Variants in B4GALT6 observed in about 807,000 individuals in gnomAD.
The protein encoded by B4GALT6 is beta-1,4-galactosyltransferase 6, also known as UDP-Gal:beta-GlcNAc beta-1,4-galactosyltransferase 6.
Under a neutral mutation model 46.3 loss-of-function variants are expected in B4GALT6, and 14 were observed. That is an observed-to-expected ratio of 0.30 (90% CI 0.20 to 0.47). The LOEUF is 0.47. Ranked by LOEUF, B4GALT6 falls within the 20% of genes least tolerant of loss-of-function variation. B4GALT6 has a pLI of 0.99. For missense variants in B4GALT6, 386 were observed against 480.1 expected, an observed-to-expected ratio of 0.80 and a Z score of 1.83; for synonymous variants, 168 against 162.0, an observed-to-expected ratio of 1.04 and a Z score of -0.28.
chr18:31,697,864 A>T, the B4GALT6 span, among the ~76,000 whole-genome samples: 1 of 152,160 alleles, frequency 6.6e-6, no homozygotes, highest in Non-Finnish European at 1.5e-5. Flanking sequence ...TTGTCTAATT[A>T]TCATTCGTTT....
Position 31,632,556 on chromosome 18 carries a change from T to C in B4GALT6, c.589-1410A>G, listed in dbSNP as rs183929428. ...AGGAAATGAGAGTTCTGATATTTCT[T>C]GCTTCTTTCACTTTAAGACACTGTC... On this transcript the variant is annotated intron_variant, in intron 5 of 8. Transcript: ENST00000306851. Among the ~76,000 whole-genome samples the C allele has an allele frequency of 3.7e-3, 568 of 152,318 alleles. 1 individual carries two copies. The highest frequency in any genetic ancestry group is 6.3e-3 in the Non-Finnish European group (430 of 68,016).
chr18:31,704,130 A>G, the B4GALT6 span, among the ~76,000 whole-genome samples: 2 of 152,026 alleles, frequency 1.3e-5, no homozygotes, highest in Non-Finnish European at 2.9e-5. Context: ...TAATTTTATA[A>G]TTAGTTACTA....
At chr18:31,647,842 C>T (rs560739303) in intron 3 of B4GALT6, among the ~76,000 whole-genome samples, 9 of 152,174 alleles carry the variant, frequency 5.9e-5, no homozygotes, top group South Asian at 4.2e-4. Flanking sequence ...GTTTCCAAAC[C>T]GTCCTTGGGA....
the B4GALT6 span, among the ~76,000 whole-genome samples, chr18:31,702,526 A>G: frequency 6.6e-6 from 1 of 152,190 alleles, no homozygotes; most frequent in Non-Finnish European, 1.5e-5. Context: ...TCCCATTTGT[A>G]TCTTTGGGAT....
intron 2 of B4GALT6, among the ~76,000 whole-genome samples, chr18:31,661,346 A>G (rs2074213529): frequency 6.6e-6 from 1 of 152,214 alleles, no homozygotes; most frequent in Non-Finnish European, 1.5e-5. Context: ...TAAATACAGA[A>G]TAAATTGTTA....
upstream of B4GALT6, among the ~76,000 whole-genome samples, chr18:31,688,121 T>C (rs1272659734): frequency 1.3e-5 from 2 of 151,924 alleles, no homozygotes; most frequent in Non-Finnish European, 2.9e-5. Context: ...GAGACTCAGC[T>C]AAAGAAAATT....
At chr18:31,704,768 C>T in the B4GALT6 span, among the ~76,000 whole-genome samples, 1 of 152,088 alleles carries the variant, frequency 6.6e-6, no homozygotes, top group African/African-American at 2.4e-5. Flanking sequence ...AGTTAAACCA[C>T]CTATAATAGG....
At chr18:31,704,548 C>T in the B4GALT6 span, among the ~76,000 whole-genome samples, 1,032 of 152,232 alleles carry the variant, frequency 6.8e-3, 9 homozygotes, top group African/African-American at 0.024. Context: ...TTTACTACAA[C>T]TTTTGTCATA....
the B4GALT6 span, among the ~76,000 whole-genome samples, chr18:31,700,157 GTATAT>G: frequency 6.6e-6 from 1 of 151,990 alleles, no homozygotes; most frequent in Non-Finnish European, 1.5e-5. Flanking sequence ...TTTACTGTAT[GTATAT>G]TATAACTCAA....
chr18:31,666,457 G>C, intron 1 of B4GALT6, 85 bp from the exon 2 acceptor site: 2 of 532,044 alleles, frequency 3.8e-6, no homozygotes, highest in Non-Finnish European at 6.2e-6. Flanking sequence ...TTGGGGAAGT[G>C]CCCAATAAAC....
At chr18:31,659,344 A>G (rs2074183327) in intron 2 of B4GALT6, among the ~76,000 whole-genome samples, 2 of 152,186 alleles carry the variant, frequency 1.3e-5, no homozygotes, top group South Asian at 4.1e-4. Context: ...TTTACCTAAC[A>G]TCAATATTCA....
intron 3 of B4GALT6, among the ~76,000 whole-genome samples, chr18:31,649,838 A>C (rs1285463417): frequency 2.0e-5 from 3 of 152,244 alleles, no homozygotes; most frequent in African/African-American, 7.2e-5. Context: ...CCACTGTGGA[A>C]AGCAGTTTGG....
chr18:31,680,138 G>A (rs913984447), intron 1 of B4GALT6, among the ~76,000 whole-genome samples: 2 of 152,092 alleles, frequency 1.3e-5, no homozygotes, highest in Non-Finnish European at 2.9e-5. Context: ...TACCAAATCC[G>A]AACTCCTGAA....
At position 31,623,236 on chromosome 18, in the gene B4GALT6, C is replaced by T. The variant is rs1329422460; in HGVS notation, c.*2378G>A. The T allele has an allele frequency of 1.3e-5, 2 of 152,066 alleles. No individual in the cohort carries two copies. Among genetic ancestry groups the T allele is most frequent in the Non-Finnish European group, 2.9e-5 (2 of 67,908 alleles). 9.4% of individuals were successfully genotyped at this position (152,066 alleles called of 1,614,324 possible). ...TTAATACAATGAAGATAAACGGGCA[C>T]AGCTCTGTCACTCTCACAGAAACAT... On this transcript the variant is annotated 3_prime_UTR_variant, in exon 9 of 9. Coordinates refer to ENST00000306851, the MANE Select transcript of B4GALT6 (RefSeq NM_004775.5).
Position 31,624,830 on chromosome 18 carries a change from T to C in B4GALT6, c.*784A>G, listed in dbSNP as rs1208242773. On this transcript the variant is annotated 3_prime_UTR_variant, in exon 9 of 9. Transcript: ENST00000306851. ...ATTTAACATAAAGAGATCCTTTATA[T>C]CATGTCACATCACAACTTTTAAGAT... 1 of 152,612 alleles carries C rather than the reference T, an allele frequency of 6.6e-6. No individual in the cohort carries two copies. The highest frequency in any genetic ancestry group is 1.5e-5 in the Non-Finnish European group (1 of 68,030). 9.5% of individuals were successfully genotyped at this position (152,612 alleles called of 1,614,324 possible). A position where few individuals can be genotyped will look rare whatever the true frequency, so the allele number is the denominator to read the frequency against.
intron 2 of B4GALT6, among the ~76,000 whole-genome samples, chr18:31,663,466 C>T (rs1182436266): frequency 6.6e-6 from 1 of 152,078 alleles, no homozygotes; most frequent in African/African-American, 2.4e-5. Flanking sequence ...CTACATGGCA[C>T]CATCTGATTA....
At chr18:31,678,807 C>T (rs1373623031) in intron 1 of B4GALT6, among the ~76,000 whole-genome samples, 1 of 152,224 alleles carries the variant, frequency 6.6e-6, no homozygotes, top group Non-Finnish European at 1.5e-5. Flanking sequence ...TTTCCCCTGG[C>T]CTTGGGCCCT....
intron 1 of B4GALT6, among the ~76,000 whole-genome samples, chr18:31,676,106 T>C (rs976807584): frequency 6.6e-6 from 1 of 152,292 alleles, no homozygotes; most frequent in South Asian, 2.1e-4. Flanking sequence ...ATGAAAATAA[T>C]GTCCAATTTC....
At chr18:31,681,611 C>G (rs895162880) in intron 1 of B4GALT6, among the ~76,000 whole-genome samples, 2 of 152,134 alleles carry the variant, frequency 1.3e-5, no homozygotes, top group Non-Finnish European at 2.9e-5. Flanking sequence ...TCTGAAAACA[C>G]TGGAAACTAA....
Sources: gnomAD v4.1 joint callset for allele counts (sites outside exome capture counted in the v4.1 genomes callset) on GRCh38, gnomAD v4.1.1 for gene constraint, MANE v1.5 for transcripts, NCBI Gene and HGNC (gene_info 2026-07-23, HGNC 2026-07-21) for gene names.